The following ANXA4 variants were observed in gnomAD, a reference collection of about 807,000 sequenced individuals.
The protein encoded by ANXA4 is annexin A4.
A neutral mutation model predicts 49.8 loss-of-function variants in ANXA4; 39 were observed. The observed-to-expected ratio is 0.78, with a 90% confidence interval of 0.61 to 1.02. The LOEUF (loss-of-function observed/expected upper bound fraction) is 1.02. Among genes scored for constraint, ANXA4 ranks in the 50% least tolerant of loss-of-function variants. The pLI is 0.00. For synonymous variants in ANXA4, 134 were observed against 152.5 expected (o/e 0.88, Z 0.89); for missense variants, 360 against 410.1 (o/e 0.88, Z 1.05).
intron 1 of ANXA4, among the ~76,000 whole-genome samples, chr2:69,754,409 T>C (rs947110983): frequency 1.3e-5 from 2 of 152,186 alleles, no homozygotes; most frequent in Non-Finnish European, 2.9e-5. Context: ...GGCGGGATTC[T>C]TGCACTTTAC....
chr2:69,651,206 A>G (rs1196435938), intron 1 of ANXA4, among the ~76,000 whole-genome samples: 1 of 152,196 alleles, frequency 6.6e-6, no homozygotes, highest in Non-Finnish European at 1.5e-5. Flanking sequence ...GATGAGGAAA[A>G]GAACAGGTGA....
intron 2 of ANXA4, among the ~76,000 whole-genome samples, chr2:69,783,189 G>A (rs563543902): frequency 6.6e-6 from 1 of 152,098 alleles, no homozygotes; most frequent in East Asian, 1.9e-4. Context: ...TAGTGGTTAT[G>A]AGTGTTTTAA....
chr2:69,767,347 C>T (rs13394152), intron 1 of ANXA4, among the ~76,000 whole-genome samples: 5 of 152,126 alleles, frequency 3.3e-5, no homozygotes, highest in African/African-American at 1.2e-4. Context: ...TCAGATACCC[C>T]GAAGTCATGA....
intron 3 of ANXA4, among the ~76,000 whole-genome samples, chr2:69,731,347 A>C (rs1345871314): frequency 1.3e-5 from 2 of 152,240 alleles, no homozygotes; most frequent in Non-Finnish European, 2.9e-5. Flanking sequence ...GCTCGAACTT[A>C]GCAGTGGCCA....
intron 2 of ANXA4, among the ~76,000 whole-genome samples, chr2:69,715,892 TTC>T (rs1176990558): frequency 1.3e-5 from 2 of 152,198 alleles, no homozygotes; most frequent in Non-Finnish European, 2.9e-5. Context: ...TACCCATTCT[TTC>T]TTCCTAGGTC....
At position 69,792,532 on chromosome 2, in the gene ANXA4, G is replaced by GA. The variant is rs1303251955; in HGVS notation, c.97+4398dup. Among the ~76,000 whole-genome samples, 4 of 151,860 alleles carry GA rather than the reference G, an allele frequency of 2.6e-5. No individual in the cohort carries two copies. In the East Asian group the frequency reaches 5.8e-4, roughly 22 times the overall value. On this transcript the variant is annotated intron_variant, in intron 3 of 12. Transcript: ENST00000394295. Reference sequence around the variant, plus strand: ...CTTTTATTTCAGTGATTAATTTACAGAAAAAAACCATATAATGCCCTTTTG... The same window carrying GA: ...CTTTTATTTCAGTGATTAATTTACAGAAAAAAAACCATATAATGCCCTTTTG...
At chr2:69,761,478 A>T (rs1396026909) in intron 1 of ANXA4, among the ~76,000 whole-genome samples, 1 of 152,048 alleles carries the variant, frequency 6.6e-6, no homozygotes, top group Non-Finnish European at 1.5e-5. Flanking sequence ...TTCACTTCGA[A>T]GTGAAAAGGC....
At chr2:69,797,004 G>A (rs1672974145) in intron 3 of ANXA4, among the ~76,000 whole-genome samples, 1 of 151,590 alleles carries the variant, frequency 6.6e-6, no homozygotes, top group African/African-American at 2.4e-5. Context: ...TGATGGATAA[G>A]ATTAAAATCA....
At chr2:69,786,194 G>T (rs952251034) in intron 2 of ANXA4, among the ~76,000 whole-genome samples, 2 of 152,172 alleles carry the variant, frequency 1.3e-5, no homozygotes, top group Non-Finnish European at 2.9e-5. Flanking sequence ...CTGGGTAAAT[G>T]ATACCCAGCT....
intron 2 of ANXA4, among the ~76,000 whole-genome samples, chr2:69,668,362 A>G (rs1393485440): frequency 6.6e-6 from 1 of 152,222 alleles, no homozygotes; most frequent in Non-Finnish European, 1.5e-5. Context: ...CTGTAATCCC[A>G]GCACTTTAGG....
At chr2:69,731,976 C>CTTTTTTTTT (rs1349540007) in intron 3 of ANXA4, among the ~76,000 whole-genome samples, 1 of 107,016 alleles carries the variant, frequency 9.3e-6, no homozygotes, top group Admixed American at 1.1e-4. Context: ...ATTTTCTTTT[C>CTTTTTTTTT]TTTCTTTTTT....
At chr2:69,804,396 C>T (rs1043828178) in intron 3 of ANXA4, 137 bp from the exon 4 acceptor site, 3 of 709,126 alleles carry the variant, frequency 4.2e-6, no homozygotes, top group Non-Finnish European at 7.0e-6. Flanking sequence ...AAAAAGTAGA[C>T]AAACCCTCTG....
chr2:69,721,972 C>A (rs1392847118), intron 3 of ANXA4, among the ~76,000 whole-genome samples: 1 of 152,110 alleles, frequency 6.6e-6, no homozygotes, highest in Non-Finnish European at 1.5e-5. Flanking sequence ...GACACTGATT[C>A]TTTTACCTTG....
intron 2 of ANXA4, chr2:69,700,091 C>T (rs1678282780): frequency 6.6e-6 from 1 of 152,160 alleles, no homozygotes; most frequent in Admixed American, 6.5e-5. Flanking sequence ...CGATTTTAGA[C>T]AAAGCAGCAT....
At chr2:69,788,218 C>T (rs1672498984) in intron 3 of ANXA4, 77 bp downstream of exon 3, 2 of 1,329,654 alleles carry the variant, frequency 1.5e-6, no homozygotes, top group South Asian at 1.2e-5. Flanking sequence ...GCCATGTCTG[C>T]TGGCCATCAC....
chr2:69,652,595 A>C (rs1573053951), intron 1 of ANXA4, among the ~76,000 whole-genome samples: 1 of 152,276 alleles, frequency 6.6e-6, no homozygotes, highest in East Asian at 1.9e-4. Flanking sequence ...GCGGTGGCTC[A>C]TACCTGTAAT....
At chr2:69,663,158 AT>A (rs367686307) in intron 2 of ANXA4, among the ~76,000 whole-genome samples, 10,530 of 148,404 alleles carry the variant, frequency 0.071, 1,099 homozygotes, top group East Asian at 0.37. Flanking sequence ...ACGCCCAGCT[AT>A]TTTTTTTTGT....
At chr2:69,716,678 T>C (rs1384406238) in intron 2 of ANXA4, among the ~76,000 whole-genome samples, 1 of 151,908 alleles carries the variant, frequency 6.6e-6, no homozygotes, top group Non-Finnish European at 1.5e-5. Flanking sequence ...GGGCAGCGGA[T>C]TAGTTATGAG....
At chr2:69,712,907 A>G (rs531933333) in intron 2 of ANXA4, among the ~76,000 whole-genome samples, 15 of 152,320 alleles carry the variant, frequency 9.8e-5, no homozygotes, top group African/African-American at 3.6e-4. Flanking sequence ...CATTCATTGC[A>G]GTGGCTCAGA....
Sources: allele counts gnomAD v4.1 joint callset (sites outside exome capture counted in the v4.1 genomes callset), GRCh38; gene constraint gnomAD v4.1.1; transcripts MANE v1.5; gene names NCBI Gene and HGNC (gene_info 2026-07-23, HGNC 2026-07-21).